Variants in TMEM163 observed in about 807,000 individuals in gnomAD.
TMEM163 encodes transmembrane protein 163.
A neutral mutation model predicts 29.3 loss-of-function variants in TMEM163; 17 were observed. The ratio of observed to expected loss-of-function variants is 0.58; its 90% confidence interval spans 0.40 to 0.87. TMEM163 has a LOEUF of 0.87. TMEM163 is among the 40% of genes least tolerant of loss of function. The pLI is 0.00. For missense variants in TMEM163, 303 were observed against 381.5 expected, an observed-to-expected ratio of 0.79 and a Z score of 1.71; for synonymous variants, 157 against 160.6, an observed-to-expected ratio of 0.98 and a Z score of 0.17.
intron 4 of TMEM163, among the ~76,000 whole-genome samples, chr2:134,546,643 CAAA>C (rs58851155): frequency 3.6e-5 from 3 of 84,350 alleles, no homozygotes; most frequent in African/African-American, 4.5e-5. Context: ...GGCTCCATCT[CAAA>C]AAAAAAAAAA....
intron 4 of TMEM163, among the ~76,000 whole-genome samples, chr2:134,521,214 A>G (rs992772286): frequency 3.3e-5 from 5 of 152,028 alleles, no homozygotes; most frequent in Non-Finnish European, 5.9e-5. Flanking sequence ...AGCCAGGATG[A>G]TCTTGATCTC....
chr2:134,474,140 T>C (rs1574159098), intron 5 of TMEM163, among the ~76,000 whole-genome samples: 1 of 152,122 alleles, frequency 6.6e-6, no homozygotes, highest in African/African-American at 2.4e-5. Context: ...TTCAGCAATA[T>C]ATAAAAAGGA....
chr2:134,458,995 C>T (rs552386527), intron 6 of TMEM163: 1 of 152,226 alleles, frequency 6.6e-6, no homozygotes, highest in Non-Finnish European at 1.5e-5. Flanking sequence ...TCAAAGGCCA[C>T]ATGGGAAGGG....
chr2:134,503,596 T>C (rs1339684190), intron 4 of TMEM163, among the ~76,000 whole-genome samples: 1 of 152,222 alleles, frequency 6.6e-6, no homozygotes, highest in African/African-American at 2.4e-5. Context: ...CCTTTGCATT[T>C]TCCCAATGAT....
intron 2 of TMEM163, among the ~76,000 whole-genome samples, chr2:134,562,165 G>C (rs1681197665): frequency 6.6e-6 from 1 of 151,940 alleles, no homozygotes; most frequent in Admixed American, 6.6e-5. Context: ...GTGTCTTTTT[G>C]GGCCCCAAAG....
chr2:134,462,273 C>T (rs1351184085), intron 6 of TMEM163, among the ~76,000 whole-genome samples: 1 of 152,128 alleles, frequency 6.6e-6, no homozygotes, highest in Non-Finnish European at 1.5e-5. Flanking sequence ...GCTGCCATCC[C>T]CTCCACTCCC....
rs35785546 is a variant in TMEM163, at chr2:134,552,656, C to CTTTT, written c.323-569_323-566dup. ...ATTCTAATTACGACATATTTTGATC[C>CTTTT]TTTTTTTTTTTTTTTTTTTTTTTGA... On this transcript the variant is annotated intron_variant, in intron 2 of 7. Coordinates refer to ENST00000281924, the MANE Select transcript of TMEM163 (RefSeq NM_030923.5). Among the ~76,000 whole-genome samples, 286 of 113,514 alleles carry CTTTT rather than the reference C, an allele frequency of 2.5e-3. 4 individuals are homozygous for CTTTT. Among genetic ancestry groups the CTTTT allele is most frequent in the African/African-American group, 8.8e-3 (236 of 26,950 alleles). 74.5% of individuals were successfully genotyped at this position (113,514 alleles called of 152,430 possible).
rs190416567 is a variant in TMEM163, at chr2:134,562,044, C to T, written c.323-9953G>A. On this transcript the variant is annotated intron_variant, in intron 2 of 7. Coordinates refer to ENST00000281924, the MANE Select transcript of TMEM163 (RefSeq NM_030923.5). ...GATAAAATTTATAGAACAGAACTTT[C>T]GCATTTTATCTTCTCTTGTCTTCTA... 1.4e-3 allele frequency among the ~76,000 whole-genome samples: 210 copies of T among 152,304 alleles called. 1 individual carries two copies. The highest frequency in any genetic ancestry group is 4.9e-3 in the African/African-American group (202 of 41,564).
At chr2:134,634,350 G>C (rs1249702868) in intron 2 of TMEM163, among the ~76,000 whole-genome samples, 2 of 152,062 alleles carry the variant, frequency 1.3e-5, no homozygotes, top group African/African-American at 2.4e-5. Context: ...CCTCATTTCT[G>C]TCAATAAAAT....
intron 2 of TMEM163, among the ~76,000 whole-genome samples, chr2:134,666,101 A>T (rs1023477451): frequency 1.3e-5 from 2 of 152,154 alleles, no homozygotes; most frequent in Admixed American, 6.5e-5. Context: ...TAGGAAGTTT[A>T]AAAAATCATA....
At chr2:134,666,175 C>T (rs1364297920) in intron 2 of TMEM163, among the ~76,000 whole-genome samples, 1 of 152,138 alleles carries the variant, frequency 6.6e-6, no homozygotes, top group African/African-American at 2.4e-5. Context: ...ATCCCACCCA[C>T]CACCACCTTC....
At chr2:134,568,150 G>A (rs1410522207) in intron 2 of TMEM163, among the ~76,000 whole-genome samples, 1 of 152,188 alleles carries the variant, frequency 6.6e-6, no homozygotes, top group Middle Eastern at 3.2e-3. Context: ...GGGTGCCCCA[G>A]ATCTATCATG....
chr2:134,610,783 G>C (rs1267646265), intron 2 of TMEM163, among the ~76,000 whole-genome samples: 2 of 152,186 alleles, frequency 1.3e-5, no homozygotes, highest in African/African-American at 4.8e-5. Flanking sequence ...CTCCCCTGAT[G>C]AATCTTTCTG....
chr2:134,698,744 C>A (rs1435773708), intron 2 of TMEM163, among the ~76,000 whole-genome samples: 1 of 152,030 alleles, frequency 6.6e-6, no homozygotes, highest in African/African-American at 2.4e-5. Context: ...AAATGTGTTG[C>A]TTAATTTCCC....
At chr2:134,498,399 C>T (rs1679622583) in intron 5 of TMEM163, among the ~76,000 whole-genome samples, 1 of 149,514 alleles carries the variant, frequency 6.7e-6, no homozygotes. Flanking sequence ...GCACTGTCGC[C>T]CAGGCTGGAG....
In TMEM163 at chr2:134,632,899, C is replaced by A. The variant is rs563763145; in HGVS notation, c.322+80301G>T. ...CTGGGACGACAGGCACCCGCCACCA[C>A]ACCCAGCTAATTTTTTTTTTTTTTT... On this transcript the variant is annotated intron_variant, in intron 2 of 7. Coordinates refer to ENST00000281924, the MANE Select transcript of TMEM163 (RefSeq NM_030923.5). Among the ~76,000 whole-genome samples the A allele has an allele frequency of 2.7e-3, 406 of 150,994 alleles. 4 individuals are homozygous for A. Among genetic ancestry groups the A allele is most frequent in the African/African-American group, 9.1e-3 (373 of 41,208 alleles).
intron 4 of TMEM163, among the ~76,000 whole-genome samples, chr2:134,545,598 G>C (rs1312285914): frequency 1.3e-5 from 2 of 151,966 alleles, no homozygotes; most frequent in Non-Finnish European, 2.9e-5. Flanking sequence ...ACTCACTGAT[G>C]ATGACCTGCT....
intron 2 of TMEM163, among the ~76,000 whole-genome samples, chr2:134,599,024 A>C (rs1186704547): frequency 6.6e-6 from 1 of 151,294 alleles, no homozygotes; most frequent in Non-Finnish European, 1.5e-5. Context: ...TAAAAAAAAA[A>C]AAAAAAAAAA....
intron 2 of TMEM163, among the ~76,000 whole-genome samples, chr2:134,663,114 G>T (rs57876245): frequency 6.6e-6 from 1 of 152,040 alleles, no homozygotes. Context: ...GTGGCCAGAA[G>T]AACAAAAAAA....
Sources: gnomAD v4.1 joint callset for allele counts (sites outside exome capture counted in the v4.1 genomes callset) on GRCh38, gnomAD v4.1.1 for gene constraint, MANE v1.5 for transcripts, NCBI Gene and HGNC (gene_info 2026-07-23, HGNC 2026-07-21) for gene names.